The following PCDH11Y variants were observed in gnomAD, a reference collection of about 807,000 sequenced individuals.
The protein encoded by PCDH11Y is protocadherin-11 Y-linked.
For missense variants in PCDH11Y, 12 were observed against 224.8 expected, an observed-to-expected ratio of 0.05 and a Z score of 6.05; for synonymous variants, 9 against 83.6, an observed-to-expected ratio of 0.11 and a Z score of 4.87.
chrY:5,618,221 C>A (rs2053495786), intron 4 of PCDH11Y, among the ~76,000 whole-genome samples: 7 of 35,017 alleles, frequency 2.0e-4, no homozygotes, highest in African/African-American at 8.0e-4. Flanking sequence ...ATATTTCCAG[C>A]TGATTATTTA....
chrY:5,106,664 C>T, downstream of PCDH11Y, among the ~76,000 whole-genome samples: 2 of 30,143 alleles, frequency 6.6e-5, no homozygotes, highest in African/African-American at 2.6e-4. Flanking sequence ...TCTTAAACAA[C>T]TGTTGTAGAA....
At chrY:5,347,710 G>C in intron 2 of PCDH11Y, among the ~76,000 whole-genome samples, 1 of 32,754 alleles carries the variant, frequency 3.1e-5, no homozygotes, top group Admixed American at 2.8e-4. Flanking sequence ...TCTCTACCAA[G>C]TTGTCTTTGA....
At chrY:5,229,398 C>G (rs2052965060) in intron 2 of PCDH11Y, among the ~76,000 whole-genome samples, 1 of 24,356 alleles carries the variant, frequency 4.1e-5, no homozygotes, top group Admixed American at 4.3e-4. Flanking sequence ...TCACTGCAAG[C>G]TCCACCTCCC....
intron 2 of PCDH11Y, among the ~76,000 whole-genome samples, chrY:5,156,389 C>T: frequency 3.3e-5 from 1 of 30,540 alleles, no homozygotes; most frequent in African/African-American, 1.3e-4. Context: ...TGCTCCCACC[C>T]TTTTTACCCA....
chrY:5,493,024 A>G (rs2053340504), intron 2 of PCDH11Y, among the ~76,000 whole-genome samples: 1 of 33,577 alleles, frequency 3.0e-5, no homozygotes, highest in South Asian at 6.6e-4. Context: ...AATTACTAGC[A>G]TACTGGCCGA....
chrY:5,331,530 C>G, intron 2 of PCDH11Y, among the ~76,000 whole-genome samples: 1 of 33,502 alleles, frequency 3.0e-5, no homozygotes, highest in Non-Finnish European at 7.4e-5. Flanking sequence ...ATGATAAAAT[C>G]GAGGTCTCCA....
At chrY:5,668,330 A>G (rs2053546626) in intron 4 of PCDH11Y, among the ~76,000 whole-genome samples, 11 of 33,015 alleles carry the variant, frequency 3.3e-4, no homozygotes, top group Admixed American at 3.1e-3. Context: ...TGCAACTCCA[A>G]AATACTCTCT....
At chrY:5,233,063 G>A in intron 2 of PCDH11Y, among the ~76,000 whole-genome samples, 1 of 32,627 alleles carries the variant, frequency 3.1e-5, no homozygotes. Flanking sequence ...GGGAGTGGTA[G>A]CATCGGTAAT....
intron 2 of PCDH11Y, among the ~76,000 whole-genome samples, chrY:5,482,554 C>T: frequency 3.0e-5 from 1 of 33,446 alleles, no homozygotes; most frequent in African/African-American, 1.2e-4. Context: ...TTACTATTAG[C>T]ATAGCTATGA....
intron 4 of PCDH11Y, among the ~76,000 whole-genome samples, chrY:5,597,433 C>T (rs2124699172): frequency 3.7e-5 from 1 of 26,685 alleles, no homozygotes; most frequent in African/African-American, 1.5e-4. Flanking sequence ...TCGAATGGTA[C>T]ATCTACTTTT....
intron 3 of PCDH11Y, among the ~76,000 whole-genome samples, chrY:5,522,088 C>T (rs2053381891): frequency 8.1e-4 from 26 of 31,906 alleles, no homozygotes; most frequent in Admixed American, 2.3e-3. Context: ...TTAGCCAGGA[C>T]GGTCTCGATC....
intron 3 of PCDH11Y, among the ~76,000 whole-genome samples, chrY:5,555,492 A>G: frequency 3.1e-5 from 1 of 32,700 alleles, no homozygotes; most frequent in Admixed American, 2.8e-4. Flanking sequence ...CCCAAATCTC[A>G]TCTTGAGTTT....
chrY:5,490,378 G>C, intron 2 of PCDH11Y, among the ~76,000 whole-genome samples: 1 of 34,074 alleles, frequency 2.9e-5, no homozygotes, highest in Non-Finnish European at 7.3e-5. Context: ...CTGCCCTCAT[G>C]ACCTAAGCAC....
chrY:5,579,206 T>C, intron 3 of PCDH11Y, among the ~76,000 whole-genome samples: 1 of 33,248 alleles, frequency 3.0e-5, no homozygotes. Flanking sequence ...TATGTGATAA[T>C]GTAGCATGTT....
chrY:5,568,163 A>G, intron 3 of PCDH11Y, among the ~76,000 whole-genome samples: 2 of 30,685 alleles, frequency 6.5e-5, no homozygotes, highest in African/African-American at 2.5e-4. Flanking sequence ...TTTGTCTTAA[A>G]AGGGTGAGAA....
At chrY:5,396,039 C>T in intron 2 of PCDH11Y, among the ~76,000 whole-genome samples, 1 of 33,527 alleles carries the variant, frequency 3.0e-5, no homozygotes, top group Admixed American at 2.7e-4. Context: ...TGCAACCTCT[C>T]CCTCCCGGGT....
intron 2 of PCDH11Y, among the ~76,000 whole-genome samples, chrY:5,328,264 G>C: frequency 2.9e-5 from 1 of 33,917 alleles, no homozygotes; most frequent in South Asian, 6.6e-4. Flanking sequence ...GGGGGAGGAG[G>C]TTCTGGAGGA....
At chrY:5,006,216 TCCCTCCTCCCC>T (rs2052539188) in intron 1 of PCDH11Y, among the ~76,000 whole-genome samples, 5 of 27,984 alleles carry the variant, frequency 1.8e-4, no homozygotes, top group African/African-American at 5.7e-4. Flanking sequence ...TTATTTTTAT[TCCCTCCTCCCC>T]CCCTCCTCCT....
intron 4 of PCDH11Y, among the ~76,000 whole-genome samples, chrY:5,586,780 A>G: frequency 6.2e-5 from 2 of 32,085 alleles, no homozygotes. Flanking sequence ...ATCAGTTGTA[A>G]TGTCTCCTTT....
Sources: allele counts gnomAD v4.1 joint callset (sites outside exome capture counted in the v4.1 genomes callset), GRCh38; gene constraint gnomAD v4.1.1; transcripts MANE v1.5; gene names NCBI Gene and HGNC (gene_info 2026-07-23, HGNC 2026-07-21).